The following CCDC192 variants were observed in gnomAD, a reference collection of about 807,000 sequenced individuals.
CCDC192 encodes the protein coiled-coil domain-containing protein 192.
intron 5 of CCDC192, among the ~76,000 whole-genome samples, chr5:127,832,669 A>G (rs1402471051): frequency 6.6e-6 from 1 of 152,174 alleles, no homozygotes; most frequent in Non-Finnish European, 1.5e-5. Context: ...CTTAGTAAAT[A>G]AATATGACAC....
chr5:127,773,307 C>T (rs1249072407), intron 3 of CCDC192, among the ~76,000 whole-genome samples: 1 of 152,126 alleles, frequency 6.6e-6, no homozygotes, highest in African/African-American at 2.4e-5. Flanking sequence ...TAGAATTCAT[C>T]ATTTTGAAAT....
chr5:127,724,864 G>C (rs370993831), intron 2 of CCDC192, among the ~76,000 whole-genome samples: 1 of 119,594 alleles, frequency 8.4e-6, no homozygotes, highest in Non-Finnish European at 1.8e-5. Context: ...AAAAAAAAAA[G>C]AAGAAAAGAA....
At chr5:127,754,922 G>A (rs1183511246) in intron 3 of CCDC192, among the ~76,000 whole-genome samples, 2 of 152,202 alleles carry the variant, frequency 1.3e-5, no homozygotes, top group African/African-American at 4.8e-5. Flanking sequence ...CACGTTATAG[G>A]TGCTTTGCAT....
At chr5:127,712,066 A>G (rs144267339) in intron 2 of CCDC192, among the ~76,000 whole-genome samples, 1,887 of 152,086 alleles carry the variant, frequency 0.012, 41 homozygotes, top group African/African-American at 0.04. Context: ...CCCCTCAAGC[A>G]TTTCCTTGAG....
In CCDC192 at chr5:127,908,623, G is replaced by A. The variant is rs1753263168; in HGVS notation, c.536-32559G>A. ...GTACCTGAGTTGAATTTTTATACTGGTAGAACACTAATATTTTGAAATATC... is the reference window on the plus strand; with the variant it reads ...GTACCTGAGTTGAATTTTTATACTGATAGAACACTAATATTTTGAAATATC... On this transcript the variant is annotated intron_variant, in intron 6 of 6. Transcript: ENST00000514853. 2.0e-5 allele frequency among the ~76,000 whole-genome samples: 3 copies of A among 152,072 alleles called. No individual in the cohort carries two copies. The South Asian group carries it at 6.2e-4, about 32-fold the overall frequency.
At chr5:127,889,228 A>C (rs1031498308) in intron 6 of CCDC192, among the ~76,000 whole-genome samples, 4 of 152,140 alleles carry the variant, frequency 2.6e-5, no homozygotes, top group Non-Finnish European at 4.4e-5. Context: ...TCATCCTTTG[A>C]AAACATTCCT....
chr5:127,790,338 A>G (rs1242769955), intron 3 of CCDC192, among the ~76,000 whole-genome samples: 1 of 152,132 alleles, frequency 6.6e-6, no homozygotes, highest in African/African-American at 2.4e-5. Flanking sequence ...TTTTGTACTG[A>G]TATATCATAG....
At chr5:127,772,510 C>T (rs1006660742) in intron 3 of CCDC192, among the ~76,000 whole-genome samples, 1 of 151,714 alleles carries the variant, frequency 6.6e-6, no homozygotes, top group Non-Finnish European at 1.5e-5. Flanking sequence ...GCTCTACCCT[C>T]CTTTGCTCCA....
intron 6 of CCDC192, among the ~76,000 whole-genome samples, chr5:127,890,560 G>C (rs750430440): frequency 3.3e-5 from 5 of 151,498 alleles, no homozygotes; most frequent in Non-Finnish European, 7.4e-5. Flanking sequence ...TCTAATCTCT[G>C]GTCCTTCACA....
intron 6 of CCDC192, among the ~76,000 whole-genome samples, chr5:127,910,641 G>A (rs79650213): frequency 0.016 from 2,461 of 152,282 alleles, 31 homozygotes; most frequent in Middle Eastern, 0.031. Flanking sequence ...AAGTCCCATT[G>A]TTTCCCCGCT....
Position 127,764,829 on chromosome 5 carries a change from G to A in CCDC192, c.222+10454G>A, listed in dbSNP as rs926007588. 2.0e-5 allele frequency among the ~76,000 whole-genome samples: 3 copies of A among 152,150 alleles called. No homozygotes were observed. The East Asian group carries it at 5.8e-4, about 29-fold the overall frequency. On this transcript the variant is annotated intron_variant, in intron 3 of 6. Transcript: ENST00000514853. ...CATTCCATGCCATCCTGGGCCACAT[G>A]TGGCCCACGGGCTGCAGGTTGGACA...
intron 6 of CCDC192, among the ~76,000 whole-genome samples, chr5:127,927,185 C>G (rs1753886199): frequency 6.6e-6 from 1 of 151,926 alleles, no homozygotes; most frequent in South Asian, 2.1e-4. Context: ...AGAAGTAAAC[C>G]ATGGTCTGAA....
chr5:127,756,967 C>T (rs1260309057), intron 3 of CCDC192, among the ~76,000 whole-genome samples: 1 of 152,210 alleles, frequency 6.6e-6, no homozygotes, highest in African/African-American at 2.4e-5. Context: ...TGGATGATCT[C>T]TTTATATAAC....
chr5:127,770,965 T>C (rs1476973410), intron 3 of CCDC192, among the ~76,000 whole-genome samples: 1 of 152,238 alleles, frequency 6.6e-6, no homozygotes, highest in Non-Finnish European at 1.5e-5. Context: ...AATAATTCTA[T>C]GGCTGTAAAT....
At chr5:127,865,598 A>G (rs984743475) in intron 5 of CCDC192, among the ~76,000 whole-genome samples, 3 of 150,860 alleles carry the variant, frequency 2.0e-5, no homozygotes, top group African/African-American at 7.3e-5. Flanking sequence ...TTGTTTCAGT[A>G]TTGGAAACAT....
chr5:127,704,838 A>AAAATAAATAAAT (rs57523949), intron 1 of CCDC192, among the ~76,000 whole-genome samples: 3 of 144,414 alleles, frequency 2.1e-5, no homozygotes, highest in Non-Finnish European at 3.0e-5. Flanking sequence ...AACTCCATCT[A>AAAATAAATAAAT]AAATAAATAA....
Position 127,941,178 on chromosome 5 carries a change from T to G in CCDC192, c.536-4T>G. 2.5e-6 allele frequency: 1 copy of G among 399,080 alleles called. No individual in the cohort carries two copies. The highest frequency in any genetic ancestry group is 3.6e-5 in the East Asian group (1 of 28,086). The allele number at this position is 399,080 out of a possible 1,614,324, so 24.7% of individuals were successfully genotyped here. Reference sequence around the variant, plus strand: ...TCAGACTTTCCTTTTCTTGTTTGCTTTAGAAGACAGCTTGCTGGAAGGGTT... The same window carrying G: ...TCAGACTTTCCTTTTCTTGTTTGCTGTAGAAGACAGCTTGCTGGAAGGGTT... On this transcript the variant is annotated splice_region_variant and splice_polypyrimidine_tract_variant and intron_variant, in intron 6 of 6. Transcript: ENST00000514853.
At chr5:127,831,492 C>T (rs187621796) in intron 5 of CCDC192, among the ~76,000 whole-genome samples, 1 of 151,972 alleles carries the variant, frequency 6.6e-6, no homozygotes, top group Admixed American at 6.6e-5. Flanking sequence ...TTACTTTCTT[C>T]CCAACAAAAT....
At chr5:127,721,077 C>T (rs1751993665) in intron 2 of CCDC192, among the ~76,000 whole-genome samples, 2 of 152,216 alleles carry the variant, frequency 1.3e-5, no homozygotes, top group Non-Finnish European at 1.5e-5. Flanking sequence ...TTTACATATG[C>T]AAATTTCTGT....
Sources: gnomAD v4.1 joint callset for allele counts (sites outside exome capture counted in the v4.1 genomes callset) on GRCh38, gnomAD v4.1.1 for gene constraint, MANE v1.5 for transcripts, NCBI Gene and HGNC (gene_info 2026-07-23, HGNC 2026-07-21) for gene names.